Variants in SARS1 observed in about 807,000 individuals in gnomAD.
SARS1 encodes serine--tRNA ligase, cytoplasmic.
In SARS1, 25 loss-of-function variants were observed where a neutral mutation model predicts 63.7. The ratio of observed to expected loss-of-function variants is 0.39; its 90% CI spans 0.29 to 0.55. SARS1 has a LOEUF of 0.55. Ranked by LOEUF, SARS1 falls within the 20% of genes least tolerant of loss-of-function variation. The pLI, the probability that SARS1 is intolerant of heterozygous loss-of-function variation, is 0.62. For synonymous variants in SARS1, 231 were observed against 243.5 expected (o/e 0.95, Z 0.48); for missense variants, 417 against 649.7 (o/e 0.64, Z 3.89).
Position 109,214,927 on chromosome 1 carries a change from C to T in SARS1, c.136+799C>T, listed in dbSNP as rs904723887. Reference sequence around the variant, plus strand: ...ACCATAGAACCATCTGCCCATAAATCTCTGCCTGTATTAACTGGAGTGGTC... The same window carrying T: ...ACCATAGAACCATCTGCCCATAAATTTCTGCCTGTATTAACTGGAGTGGTC... On this transcript the variant is annotated intron_variant, in intron 1 of 10. Coordinates refer to ENST00000234677, the MANE Select transcript of SARS1 (RefSeq NM_006513.4). This position sits in a 1 kb window ranked among gnomAD's most constrained non-coding sequence, Gnocchi z 4.6. 1.0e-6 allele frequency: 1 copy of T among 985,460 alleles called. No individual in the cohort carries two copies. The highest frequency in any genetic ancestry group is 1.2e-6 in the Non-Finnish European group (1 of 829,950). The allele number at this position is 985,460 out of a possible 1,614,324, so 61.0% of individuals were successfully genotyped here. A position where few individuals can be genotyped will look rare whatever the true frequency, so the allele number is the denominator to read the frequency against.
At position 109,219,373 on chromosome 1, in the gene SARS1, G is replaced by T. The variant is rs1005858411; in HGVS notation, c.137-4605G>T. On this transcript the variant is annotated intron_variant, in intron 1 of 10. Transcript: ENST00000234677. ...TATATATGACATTTACAGCACACCA[G>T]CAGATTGCCTTATGCCACCTCCCAG... 2.8e-5 allele frequency among the ~76,000 whole-genome samples: 4 copies of T among 142,892 alleles called. No individual in the cohort carries two copies. In the Admixed American group the frequency reaches 2.9e-4, roughly 10 times the overall value. 93.7% of individuals were successfully genotyped at this position (142,892 alleles called of 152,430 possible). A position where few individuals can be genotyped will look rare whatever the true frequency, so the allele number is the denominator to read the frequency against.
chr1:109,235,359 C>G lies in SARS1; in HGVS notation c.897C>G (p.Thr299=). The stretch of plus-strand genomic sequence containing the variant: ...CCATCAAGTATGCTGGCCTGTCTAC[C>G]TGCTTCCGTCAGGAGGTGGGCTCCC... ...DLPIKYAGLS[T]CFRQEVGSHG... Residue 299 remains threonine, a synonymous_variant, in exon 7 of 11, where the codon ACC becomes ACG. Transcript: ENST00000234677. This position sits in a 1 kb window ranked among gnomAD's most constrained non-coding sequence, Gnocchi z 4.7. The G allele has an allele frequency of 6.2e-7, 1 of 1,614,124 alleles. No homozygotes were observed. Among genetic ancestry groups the G allele is most frequent in the Non-Finnish European group, 8.5e-7 (1 of 1,180,030 alleles).
At chr1:109,230,848 G>T (rs1173779212) in intron 4 of SARS1, 30 bp from the exon 5 acceptor site, 1 of 1,567,968 alleles carries the variant, frequency 6.4e-7, no homozygotes. Flanking sequence ...CATATGTCTT[G>T]TATGTCTCTT....
In SARS1 at chr1:109,235,410, C is replaced by T; in HGVS notation, c.948C>T (p.Phe316=). ...GSHGRDTRGI[F]RVHQFEKIEQ... is the part of the protein sequence containing the mutation. ...ATGGCCGTGACACCCGTGGCATCTT[C>T]CGAGTCCATCAGTTTGAGAAGGTGA... Residue 316 remains phenylalanine (F), a synonymous_variant, in exon 7 of 11, where the codon TTC becomes TTT. Coordinates refer to ENST00000234677, the MANE Select transcript of SARS1 (RefSeq NM_006513.4). The surrounding 1 kb of genome is among the most constrained non-coding windows in gnomAD (Gnocchi z 4.7). 2 of 1,613,182 alleles carry T rather than the reference C, an allele frequency of 1.2e-6. No homozygotes were observed. The highest frequency in any genetic ancestry group is 1.7e-6 in the Non-Finnish European group (2 of 1,179,988).
Position 109,236,465 on chromosome 1 carries a change from T to G in SARS1, c.1174T>G (p.Leu392Val). The G allele has an allele frequency of 6.2e-7, 1 of 1,606,874 alleles. No homozygotes were observed. The highest frequency in any genetic ancestry group is 8.5e-7 in the Non-Finnish European group (1 of 1,173,968). ...TCCGGGCTCAGGAGCCTTCCGTGAG[T>G]TGGTCTCCTGTTCTAATTGCACGGA... ...WFPGSGAFRE[L>V]VSCSNCTDYQ... Residue 392 changes from leucine (L) to valine (V), a missense_variant, in exon 9 of 11, where the codon TTG (leucine) becomes GTG (valine). Coordinates refer to ENST00000234677, the MANE Select transcript of SARS1 (RefSeq NM_006513.4).
At chr1:109,233,648 G>A (rs1655251114) in intron 6 of SARS1, among the ~76,000 whole-genome samples, 2 of 151,618 alleles carry the variant, frequency 1.3e-5, no homozygotes, top group Admixed American at 1.3e-4. Flanking sequence ...TAATTGCCAT[G>A]TACATAAATT....
chr1:109,233,497 T>TA (rs397792473), intron 6 of SARS1, among the ~76,000 whole-genome samples: 3 of 151,630 alleles, frequency 2.0e-5, no homozygotes, highest in Non-Finnish European at 2.9e-5. Context: ...TTTTTTTTTT[T>TA]AATTAAAATG....
upstream of SARS1, chr1:109,213,903 G>T (rs1216444199): frequency 1.4e-6 from 2 of 1,462,254 alleles, no homozygotes; most frequent in African/African-American, 2.9e-5. Context: ...AGGAAGGGCG[G>T]GTCAGCGCGC....
intron 5 of SARS1, chr1:109,231,423 G>T: frequency 2.5e-6 from 1 of 394,314 alleles, no homozygotes; most frequent in Non-Finnish European, 4.5e-6. Context: ...TCTTAACGGT[G>T]TGCCTGGATG....
At chr1:109,229,183 A>G (rs1023459272) in intron 3 of SARS1, among the ~76,000 whole-genome samples, 5 of 152,234 alleles carry the variant, frequency 3.3e-5, no homozygotes, top group African/African-American at 7.2e-5. Context: ...AGAACTATCT[A>G]TCTCTGCCTC....
intron 1 of SARS1, among the ~76,000 whole-genome samples, chr1:109,218,973 A>G (rs562194854): frequency 1.3e-5 from 2 of 152,166 alleles, no homozygotes; most frequent in East Asian, 3.9e-4. Context: ...AGATCAAAAT[A>G]TAAGACATTT....
chr1:109,236,196 A>C, intron 8 of SARS1, 90 bp downstream of exon 8: 2 of 1,455,104 alleles, frequency 1.4e-6, no homozygotes, highest in Non-Finnish European at 1.9e-6. Context: ...GAAACAGCTC[A>C]CAATTCAACT....
At chr1:109,217,597 GT>G (rs1462718970) in intron 1 of SARS1, among the ~76,000 whole-genome samples, 1 of 151,204 alleles carries the variant, frequency 6.6e-6, no homozygotes, top group African/African-American at 2.4e-5. Flanking sequence ...GTCTTGTTCT[GT>G]TGCCTAGGCT....
chr1:109,231,238 C>G (rs1227736571), intron 5 of SARS1: 4 of 279,676 alleles, frequency 1.4e-5, no homozygotes, highest in Non-Finnish European at 2.5e-5. Context: ...ACAAAAGCCA[C>G]TAAGTGGTCC....
intron 2 of SARS1, among the ~76,000 whole-genome samples, 192 bp from the exon 3 acceptor site, chr1:109,228,160 G>C (rs959711233): frequency 6.6e-6 from 1 of 152,230 alleles, no homozygotes; most frequent in African/African-American, 2.4e-5. Context: ...GCAGCATAGG[G>C]AGGGGCTTGA....
chr1:109,219,929 TCTA>T lies in SARS1; in HGVS notation c.137-4045_137-4043del, dbSNP rs560947905. Reference sequence around the variant, plus strand: ...CCATTATGTAAATATGCCAATCAATTCTACTAGCATATTTACTGCATGACATTT... The same window carrying T: ...CCATTATGTAAATATGCCAATCAATTCTAGCATATTTACTGCATGACATTT... On this transcript the variant is annotated intron_variant, in intron 1 of 10. Coordinates refer to ENST00000234677, the MANE Select transcript of SARS1 (RefSeq NM_006513.4). Among the ~76,000 whole-genome samples the T allele has an allele frequency of 1.1e-3, 168 of 152,358 alleles. 1 individual carries two copies. Among genetic ancestry groups the T allele is most frequent in the African/African-American group, 3.9e-3 (164 of 41,592 alleles).
chr1:109,217,586 C>A (rs537715891), intron 1 of SARS1, among the ~76,000 whole-genome samples: 1 of 150,660 alleles, frequency 6.6e-6, no homozygotes, highest in Non-Finnish European at 1.5e-5. Flanking sequence ...TTTTAGACAG[C>A]GTCTTGTTCT....
At chr1:109,215,328 G>C in intron 1 of SARS1, 3 of 985,458 alleles carry the variant, frequency 3.0e-6, no homozygotes, top group Non-Finnish European at 3.6e-6. Flanking sequence ...AGGAGTATCA[G>C]ATTTTTGTGT....
Position 109,231,731 on chromosome 1 carries a change from A to G in SARS1, c.692A>G (p.Lys231Arg). The G allele has an allele frequency of 1.3e-6, 2 of 1,598,936 alleles. No individual in the cohort carries two copies. Among genetic ancestry groups the G allele is most frequent in the Non-Finnish European group, 1.7e-6 (2 of 1,173,544 alleles). Residue 231 changes from lysine (K) to arginine (R), a missense_variant, in exon 6 of 11, where the codon AAG becomes AGG. By Grantham distance (26) the Lys-to-Arg change is conservative. This residue lies in a region of SARS1 where 359 missense variants were observed against 529.6 expected (regional missense o/e 0.68). Transcript: ENST00000234677. ...IPIYTPFFMR[K>R]EVMQEVAQLS... is the part of the protein sequence containing the mutation. ...ATTTATACCCCCTTTTTCATGAGGA[A>G]GGAGGTCATGCAGGAGGTGGCACAG...
Sources: allele counts gnomAD v4.1 joint callset (sites outside exome capture counted in the v4.1 genomes callset), GRCh38; gene constraint gnomAD v4.1.1; regional missense constraint gnomAD v4.1.1; non-coding constraint Gnocchi (gnomAD v3.1); transcripts MANE v1.5; gene names NCBI Gene and HGNC (gene_info 2026-07-23, HGNC 2026-07-21).